Variants in EEFSEC observed in about 807,000 individuals in gnomAD.
EEFSEC encodes the protein eukaryotic elongation factor, selenocysteine-tRNA specific.
Under a neutral mutation model 42.1 loss-of-function variants are expected in EEFSEC, and 43 were observed. The ratio of observed to expected loss-of-function variants is 1.02; its 90% confidence interval spans 0.80 to 1.32. EEFSEC has a LOEUF of 1.32. EEFSEC is among the 40% of genes most tolerant of loss of function. The pLI is 0.00. For synonymous variants in EEFSEC, 354 were observed against 339.1 expected, an observed-to-expected ratio of 1.04 and a Z score of -0.48; for missense variants, 745 against 803.6, an observed-to-expected ratio of 0.93 and a Z score of 0.88.
intron 4 of EEFSEC, among the ~76,000 whole-genome samples, chr3:128,266,629 G>A (rs565626002): frequency 6.7e-6 from 1 of 148,912 alleles, no homozygotes; most frequent in Non-Finnish European, 1.5e-5. Context: ...GGGAGGAGTC[G>A]AATGGCAGGG....
intron 1 of EEFSEC, among the ~76,000 whole-genome samples, chr3:128,161,856 C>T (rs1246426064): frequency 6.6e-6 from 1 of 152,078 alleles, no homozygotes; most frequent in Non-Finnish European, 1.5e-5. Context: ...TTTTGTGATA[C>T]CCGTTAGGCA....
At chr3:128,365,143 C>T (rs1017528577) in intron 6 of EEFSEC, among the ~76,000 whole-genome samples, 1 of 152,240 alleles carries the variant, frequency 6.6e-6, no homozygotes, top group African/African-American at 2.4e-5. Context: ...CTCTGTCCCT[C>T]ATCACAATTT....
At chr3:128,169,864 C>G (rs1302447818) in intron 1 of EEFSEC, among the ~76,000 whole-genome samples, 2 of 152,142 alleles carry the variant, frequency 1.3e-5, no homozygotes, top group Non-Finnish European at 2.9e-5. Context: ...TGCTCCTTTC[C>G]CTGCATAGCC....
At chr3:128,159,488 G>A (rs1279175076) in intron 1 of EEFSEC, among the ~76,000 whole-genome samples, 1 of 152,142 alleles carries the variant, frequency 6.6e-6, no homozygotes, top group African/African-American at 2.4e-5. Context: ...CCTTTTACAA[G>A]TGTTCATCAG....
intron 4 of EEFSEC, among the ~76,000 whole-genome samples, chr3:128,319,666 T>C (rs1360191152): frequency 6.6e-6 from 1 of 152,162 alleles, no homozygotes; most frequent in Admixed American, 6.5e-5. Context: ...TTCCATGCAC[T>C]CCTCTCTCTG....
At chr3:128,235,846 G>T (rs952465957) in intron 1 of EEFSEC, among the ~76,000 whole-genome samples, 1 of 117,196 alleles carries the variant, frequency 8.5e-6, no homozygotes, top group Non-Finnish European at 1.8e-5. Context: ...GTCCCCAGGG[G>T]TGTTTGACGG....
At chr3:128,419,958 G>C in the EEFSEC span, among the ~76,000 whole-genome samples, 11 of 152,196 alleles carry the variant, frequency 7.2e-5, no homozygotes, top group Non-Finnish European at 1.0e-4. Context: ...GCAGCGGGAG[G>C]GGGGACAGCC....
At chr3:128,326,893 A>G (rs1275993136) in intron 4 of EEFSEC, among the ~76,000 whole-genome samples, 3 of 152,120 alleles carry the variant, frequency 2.0e-5, no homozygotes, top group Non-Finnish European at 4.4e-5. Flanking sequence ...AGATCCTGTT[A>G]ATTCTTTTGG....
At chr3:128,387,422 G>A (rs2067853835) in intron 6 of EEFSEC, among the ~76,000 whole-genome samples, 1 of 152,184 alleles carries the variant, frequency 6.6e-6, no homozygotes, top group South Asian at 2.1e-4. Context: ...ACACAAAGGT[G>A]CATGAGTCCA....
intron 4 of EEFSEC, among the ~76,000 whole-genome samples, chr3:128,310,372 C>T (rs2066876740): frequency 6.6e-6 from 1 of 152,214 alleles, no homozygotes; most frequent in Non-Finnish European, 1.5e-5. Context: ...GTAATCTTGA[C>T]TCCTGGAGGT....
chr3:128,166,260 T>C (rs1180950532), intron 1 of EEFSEC, among the ~76,000 whole-genome samples: 1 of 152,094 alleles, frequency 6.6e-6, no homozygotes, highest in East Asian at 1.9e-4. Flanking sequence ...ACAGACACTT[T>C]GGCTGGAAAA....
chr3:128,399,372 T>C (rs2068021978), intron 6 of EEFSEC, among the ~76,000 whole-genome samples: 2 of 152,186 alleles, frequency 1.3e-5, no homozygotes, highest in African/African-American at 4.8e-5. Flanking sequence ...AAGGGGTGCA[T>C]GAGCCCGTCG....
intron 4 of EEFSEC, among the ~76,000 whole-genome samples, chr3:128,304,616 A>G (rs2066806673): frequency 6.6e-6 from 1 of 151,862 alleles, no homozygotes; most frequent in South Asian, 2.1e-4. Context: ...AAATGTTTAG[A>G]CCTTCAATTT....
At chr3:128,416,085 T>G in the EEFSEC span, among the ~76,000 whole-genome samples, 6,584 of 152,204 alleles carry the variant, frequency 0.043, 479 homozygotes, top group African/African-American at 0.15. Context: ...GGACAGCTGG[T>G]TGGGCTGCCG....
chr3:128,218,734 G>T (rs1281180066), intron 1 of EEFSEC, among the ~76,000 whole-genome samples: 1 of 152,224 alleles, frequency 6.6e-6, no homozygotes, highest in Non-Finnish European at 1.5e-5. Flanking sequence ...GGACAAGCAA[G>T]TGAATAAGAA....
chr3:128,403,916 CTG>C (rs1394736852), intron 6 of EEFSEC, among the ~76,000 whole-genome samples: 1 of 152,238 alleles, frequency 6.6e-6, no homozygotes, highest in Non-Finnish European at 1.5e-5. Context: ...TGTTCACTGT[CTG>C]TGCCTTCTTA....
At chr3:128,216,491 A>G (rs887481936) in intron 1 of EEFSEC, among the ~76,000 whole-genome samples, 1 of 151,728 alleles carries the variant, frequency 6.6e-6, no homozygotes, top group Non-Finnish European at 1.5e-5. Context: ...GTGGCTCTCC[A>G]TACCAGACAG....
chr3:128,260,596 G>A (rs553391921), intron 2 of EEFSEC, among the ~76,000 whole-genome samples: 6 of 152,278 alleles, frequency 3.9e-5, no homozygotes, highest in South Asian at 2.1e-4. Context: ...AATCATGATC[G>A]TTCTCTGGAA....
chr3:128,166,965 T>C (rs927653597), intron 1 of EEFSEC, among the ~76,000 whole-genome samples: 3 of 152,062 alleles, frequency 2.0e-5, no homozygotes, highest in African/African-American at 7.2e-5. Context: ...TGTGTAGAAG[T>C]CTTTGTTTGC....
Sources: allele counts gnomAD v4.1 joint callset (sites outside exome capture counted in the v4.1 genomes callset), GRCh38; gene constraint gnomAD v4.1.1; transcripts MANE v1.5; gene names NCBI Gene and HGNC (gene_info 2026-07-23, HGNC 2026-07-21).